Variants in FSTL4 observed in about 807,000 individuals in gnomAD.
The protein encoded by FSTL4 is follistatin-related protein 4.
A neutral mutation model predicts 78.2 loss-of-function variants in FSTL4; 28 were observed. That is an observed-to-expected ratio of 0.36 (90% CI 0.27 to 0.49). The LOEUF (loss-of-function observed/expected upper bound fraction) is 0.49, where lower values mean the gene tolerates loss of function less well. Ranked by LOEUF, FSTL4 falls within the 20% of genes least tolerant of loss-of-function variation. The pLI, the probability that FSTL4 is intolerant of heterozygous loss-of-function variation, is 0.98. For synonymous variants in FSTL4, 422 were observed against 440.5 expected (o/e 0.96, Z 0.53); for missense variants, 922 against 1,084.9 (o/e 0.85, Z 2.11).
intron 3 of FSTL4, among the ~76,000 whole-genome samples, chr5:133,435,363 A>C (rs1757014954): frequency 6.6e-6 from 1 of 152,250 alleles, no homozygotes; most frequent in Non-Finnish European, 1.5e-5. Flanking sequence ...CAGTAGCACC[A>C]AAGATGGTTA....
At chr5:133,648,272 T>C in the FSTL4 span, among the ~76,000 whole-genome samples, 1,818 of 152,234 alleles carry the variant, frequency 0.012, 15 homozygotes, top group Non-Finnish European at 0.018. Flanking sequence ...GAAACAAGAA[T>C]TGGAAAAGCT....
At chr5:133,737,432 G>A in the FSTL4 span, among the ~76,000 whole-genome samples, 1 of 152,118 alleles carries the variant, frequency 6.6e-6, no homozygotes, top group Non-Finnish European at 1.5e-5. Context: ...TGCAAATGCA[G>A]GATCTCATTC....
the FSTL4 span, among the ~76,000 whole-genome samples, chr5:133,705,488 C>A: frequency 6.6e-6 from 1 of 152,208 alleles, no homozygotes; most frequent in African/African-American, 2.4e-5. Flanking sequence ...GTCCACCAGG[C>A]CTCTGTGCAG....
rs1404608076 is a variant in FSTL4, at chr5:133,225,355, TGA to T, written c.1178-73_1178-72del. ...CACTCACTTTCCTTTATGGGGCCAT[TGA>T]GAGTGTTAGGGCTGCCCAGCCCCTG... On this transcript the variant is annotated intron_variant, in intron 9 of 15. Coordinates refer to ENST00000265342, the MANE Select transcript of FSTL4 (RefSeq NM_015082.2). The surrounding 1 kb of genome is among the most constrained non-coding windows in gnomAD (Gnocchi z 4.6). 6.3e-7 allele frequency: 1 copy of T among 1,591,172 alleles called. No homozygotes were observed.
intron 5 of FSTL4, 104 bp from the exon 6 acceptor site, chr5:133,312,881 G>T: frequency 1.0e-6 from 1 of 963,396 alleles, no homozygotes; most frequent in Non-Finnish European, 1.6e-6. Context: ...ACAGCTCAGT[G>T]GGCCTTGAGG....
At chr5:133,218,148 C>T (rs1255187199) in intron 12 of FSTL4, among the ~76,000 whole-genome samples, 2 of 152,166 alleles carry the variant, frequency 1.3e-5, no homozygotes, top group African/African-American at 4.8e-5. Context: ...CTACTGAAAA[C>T]CTGGCAAGTC....
intron 3 of FSTL4, among the ~76,000 whole-genome samples, chr5:133,502,544 G>A (rs1758521134): frequency 6.6e-6 from 1 of 152,166 alleles, no homozygotes; most frequent in Non-Finnish European, 1.5e-5. Flanking sequence ...GGATCATGGG[G>A]GCAGAGTTCT....
intron 6 of FSTL4, among the ~76,000 whole-genome samples, chr5:133,253,954 C>A (rs1752324098): frequency 6.6e-6 from 1 of 152,200 alleles, no homozygotes; most frequent in African/African-American, 2.4e-5. Flanking sequence ...GAGCTCCTCA[C>A]ACTATTGGCC....
In FSTL4 at chr5:133,471,853, TAC is replaced by T. The variant is rs1200123254; in HGVS notation, c.161-70869_161-70868del. On this transcript the variant is annotated intron_variant, in intron 3 of 15. Transcript: ENST00000265342. ...GACGGTGTGGTTTTTCTCTCCTGGA[TAC>T]ACAGTTAACACTACACTTTTCATCC... Among the ~76,000 whole-genome samples the T allele has an allele frequency of 4.6e-5, 7 of 152,330 alleles. No individual in the cohort carries two copies. In the East Asian group the frequency reaches 1.3e-3, roughly 29 times the overall value.
At chr5:133,768,739 G>C in the FSTL4 span, among the ~76,000 whole-genome samples, 2 of 152,216 alleles carry the variant, frequency 1.3e-5, no homozygotes, top group African/African-American at 2.4e-5. Context: ...CAGCAGAAAG[G>C]TTACCCTGAA....
chr5:133,635,986 G>A, the FSTL4 span, among the ~76,000 whole-genome samples: 1 of 152,218 alleles, frequency 6.6e-6, no homozygotes, highest in African/African-American at 2.4e-5. Context: ...TCACCTCATA[G>A]TGCATGGCAT....
At chr5:133,722,598 T>C in the FSTL4 span, among the ~76,000 whole-genome samples, 2 of 152,240 alleles carry the variant, frequency 1.3e-5, no homozygotes, top group South Asian at 4.1e-4. Context: ...TCATACATTT[T>C]CATTTATTTG....
the FSTL4 span, among the ~76,000 whole-genome samples, chr5:133,743,902 A>C: frequency 6.6e-6 from 1 of 152,354 alleles, no homozygotes; most frequent in South Asian, 2.1e-4. Flanking sequence ...CAGCCAGTCC[A>C]GTCAAAGTGA....
chr5:133,739,858 G>C, the FSTL4 span, among the ~76,000 whole-genome samples: 1 of 151,890 alleles, frequency 6.6e-6, no homozygotes, highest in Non-Finnish European at 1.5e-5. Flanking sequence ...AGCTAGTAAG[G>C]AGGAGAACTG....
chr5:133,377,797 ATTCAACAATC>A (rs1376386672), intron 4 of FSTL4, among the ~76,000 whole-genome samples: 1 of 152,184 alleles, frequency 6.6e-6, no homozygotes, highest in Admixed American at 6.5e-5. Flanking sequence ...CATCCAAGAA[ATTCAACAATC>A]TTCAAGGAAG....
At chr5:133,295,438 G>A (rs1753369053) in intron 6 of FSTL4, among the ~76,000 whole-genome samples, 2 of 152,102 alleles carry the variant, frequency 1.3e-5, no homozygotes, top group Non-Finnish European at 2.9e-5. Flanking sequence ...CCACAGACAT[G>A]CCGGTTGCTC....
chr5:133,305,202 C>T (rs566599446), intron 6 of FSTL4, among the ~76,000 whole-genome samples: 12 of 152,350 alleles, frequency 7.9e-5, no homozygotes, highest in East Asian at 3.9e-4. Flanking sequence ...CCCTCTCCAG[C>T]GGCTTGCAGG....
chr5:133,784,258 C>T, the FSTL4 span, among the ~76,000 whole-genome samples: 8 of 152,040 alleles, frequency 5.3e-5, no homozygotes, highest in African/African-American at 7.3e-5. Context: ...GAAATTCACT[C>T]GGCATTTGAA....
chr5:133,399,347 C>G (rs908387926), intron 4 of FSTL4, among the ~76,000 whole-genome samples: 3 of 152,210 alleles, frequency 2.0e-5, no homozygotes, highest in Non-Finnish European at 4.4e-5. Flanking sequence ...TAATGTGTCT[C>G]ATGATCTCTG....
Sources: allele counts gnomAD v4.1 joint callset (sites outside exome capture counted in the v4.1 genomes callset), GRCh38; gene constraint gnomAD v4.1.1; non-coding constraint Gnocchi (gnomAD v3.1); transcripts MANE v1.5; gene names NCBI Gene and HGNC (gene_info 2026-07-23, HGNC 2026-07-21).